The following EHBP1 variants were observed in gnomAD, a reference collection of about 807,000 sequenced individuals.
The protein encoded by EHBP1 is EH domain-binding protein 1.
A neutral mutation model predicts 144.0 loss-of-function variants in EHBP1; 55 were observed. That is an observed-to-expected ratio of 0.38 (90% CI 0.31 to 0.48). EHBP1 has a LOEUF of 0.48. EHBP1 is among the 20% of genes least tolerant of loss of function. The pLI, the probability that EHBP1 is intolerant of heterozygous loss-of-function variation, is 0.98. For synonymous variants in EHBP1, 469 were observed against 472.7 expected (o/e 0.99, Z 0.10); for missense variants, 1,200 against 1,364.2 (o/e 0.88, Z 1.90).
intron 14 of EHBP1, 35 bp downstream of exon 14, chr2:62,955,695 T>C: frequency 2.5e-6 from 4 of 1,575,842 alleles, no homozygotes; most frequent in Non-Finnish European, 3.4e-6. Context: ...CCATAAGTTG[T>C]TCATTGTAAT....
At chr2:62,752,446 G>A (rs550423744) in intron 3 of EHBP1, among the ~76,000 whole-genome samples, 2 of 152,302 alleles carry the variant, frequency 1.3e-5, no homozygotes, top group East Asian at 1.9e-4. Flanking sequence ...TGAGAAGAAT[G>A]TATATTCTGT....
intron 3 of EHBP1, among the ~76,000 whole-genome samples, chr2:62,748,532 CACCTG>C: frequency 6.6e-6 from 1 of 151,970 alleles, no homozygotes; most frequent in East Asian, 1.9e-4. Flanking sequence ...TGTGGTGATG[CACCTG>C]TAGTCCCAGC....
chr2:62,751,054 C>T (rs1041157470), intron 3 of EHBP1, among the ~76,000 whole-genome samples: 1 of 152,122 alleles, frequency 6.6e-6, no homozygotes, highest in African/African-American at 2.4e-5. Context: ...GCATCCCTGT[C>T]TTGTGTGAAT....
intron 5 of EHBP1, among the ~76,000 whole-genome samples, chr2:62,820,713 GT>G (rs1460942445): frequency 1.6e-5 from 2 of 121,546 alleles, no homozygotes; most frequent in South Asian, 2.6e-4. Flanking sequence ...TCCATTGGGT[GT>G]GTGTGTGTGT....
chr2:62,861,601 A>G (rs1339417772), intron 8 of EHBP1, among the ~76,000 whole-genome samples: 6 of 151,882 alleles, frequency 4.0e-5, no homozygotes, highest in Admixed American at 6.5e-5. Context: ...AAGTTAGCCC[A>G]GTGTGGGGCA....
intron 19 of EHBP1, among the ~76,000 whole-genome samples, chr2:63,024,994 T>C: frequency 6.7e-6 from 1 of 150,184 alleles, no homozygotes; most frequent in South Asian, 2.1e-4. Context: ...AGATCCACTC[T>C]GGGAAAAAAA....
chr2:62,844,693 A>G (rs2048168514), intron 7 of EHBP1, among the ~76,000 whole-genome samples: 2 of 152,194 alleles, frequency 1.3e-5, no homozygotes, highest in South Asian at 2.1e-4. Context: ...TGATGAATAC[A>G]TCACAGAAAA....
At chr2:62,841,218 T>A (rs2047818665) in intron 7 of EHBP1, among the ~76,000 whole-genome samples, 1 of 152,004 alleles carries the variant, frequency 6.6e-6, no homozygotes, top group South Asian at 2.1e-4. Context: ...GAAATCAGCA[T>A]TCTCAGTAAA....
intron 4 of EHBP1, among the ~76,000 whole-genome samples, chr2:62,768,623 T>A (rs1368369475): frequency 1.3e-5 from 2 of 152,160 alleles, no homozygotes; most frequent in African/African-American, 4.8e-5. Flanking sequence ...ACCAAAACTA[T>A]TCTAAAAAAT....
At chr2:62,874,141 G>A (rs953831475) in intron 9 of EHBP1, among the ~76,000 whole-genome samples, 2 of 151,914 alleles carry the variant, frequency 1.3e-5, no homozygotes, top group Admixed American at 1.3e-4. Context: ...AATATTTTAA[G>A]TACTTTTTAA....
Position 62,684,636 on chromosome 2 carries a change from G to C in EHBP1, c.-296+10553G>C, listed in dbSNP as rs559209502. 7.2e-5 allele frequency among the ~76,000 whole-genome samples: 11 copies of C among 152,310 alleles called. No individual in the cohort carries two copies. In the East Asian group the frequency reaches 1.9e-3, roughly 27 times the overall value. Reference sequence around the variant, plus strand: ...TATTACCAGCATTTGTCAAAATAAGGTGTGGATGTGCTTTAAAACAAGCAT... The same window carrying C: ...TATTACCAGCATTTGTCAAAATAAGCTGTGGATGTGCTTTAAAACAAGCAT... On this transcript the variant is annotated intron_variant, in intron 1 of 22. Transcript: ENST00000405015.
At chr2:62,750,416 A>G (rs372027399) in intron 3 of EHBP1, among the ~76,000 whole-genome samples, 13 of 152,102 alleles carry the variant, frequency 8.5e-5, no homozygotes, top group South Asian at 2.1e-4. Flanking sequence ...GTCAGGTAGC[A>G]TGATGCCTCC....
chr2:62,987,735 G>T (rs1011291433), intron 15 of EHBP1, among the ~76,000 whole-genome samples: 1 of 152,094 alleles, frequency 6.6e-6, no homozygotes. Context: ...ATTCATGTTT[G>T]ACATAGGAAT....
At chr2:62,857,706 T>C (rs1259760390) in intron 7 of EHBP1, among the ~76,000 whole-genome samples, 1 of 152,200 alleles carries the variant, frequency 6.6e-6, no homozygotes, top group African/African-American at 2.4e-5. Context: ...AGTGATAATT[T>C]CACATATTCA....
chr2:62,873,631 A>G (rs906590397), intron 9 of EHBP1, among the ~76,000 whole-genome samples: 1 of 152,194 alleles, frequency 6.6e-6, no homozygotes, highest in Non-Finnish European at 1.5e-5. Context: ...AAGGAGTCTG[A>G]AACAGAATAA....
At chr2:63,043,748 G>T (rs1330035218) in intron 21 of EHBP1, among the ~76,000 whole-genome samples, 1 of 151,836 alleles carries the variant, frequency 6.6e-6, no homozygotes, top group Non-Finnish European at 1.5e-5. Flanking sequence ...ATGGTAACCA[G>T]CGGTGTGCAT....
At chr2:62,916,591 TC>T (rs2054635056) in intron 10 of EHBP1, among the ~76,000 whole-genome samples, 1 of 145,258 alleles carries the variant, frequency 6.9e-6, no homozygotes. Flanking sequence ...AGACTCTGTC[TC>T]AAAAAAAAAA....
chr2:62,924,577 A>T (rs1008167368), intron 10 of EHBP1, among the ~76,000 whole-genome samples: 4 of 152,230 alleles, frequency 2.6e-5, no homozygotes, highest in African/African-American at 9.6e-5. Flanking sequence ...ACTATGAATG[A>T]CTTTATGACA....
chr2:62,716,850 C>A (rs1043099652), intron 2 of EHBP1, among the ~76,000 whole-genome samples: 5 of 152,210 alleles, frequency 3.3e-5, no homozygotes, highest in Admixed American at 1.3e-4. Context: ...TTTTGCATTC[C>A]TGGCTGCCAA....
Sources: gnomAD v4.1 joint callset for allele counts (sites outside exome capture counted in the v4.1 genomes callset) on GRCh38, gnomAD v4.1.1 for gene constraint, MANE v1.5 for transcripts, NCBI Gene and HGNC (gene_info 2026-07-23, HGNC 2026-07-21) for gene names.